LSAMP: variants seen among roughly 807,000 people sequenced by gnomAD.
LSAMP encodes limbic system associated membrane protein.
LSAMP carries 7 observed loss-of-function variants against 38.6 expected under a neutral mutation model. The ratio of observed to expected loss-of-function variants is 0.18; its 90% CI spans 0.10 to 0.34. The LOEUF is 0.34. LSAMP is among the 10% of genes least tolerant of loss of function. LSAMP has a pLI of 1.00. For missense variants in LSAMP, 313 were observed against 420.0 expected (o/e 0.75, Z 2.23); for synonymous variants, 154 against 166.8 (o/e 0.92, Z 0.59).
chr3:115,870,745 A>T (rs1024167068), intron 3 of LSAMP, among the ~76,000 whole-genome samples: 1 of 152,188 alleles, frequency 6.6e-6, no homozygotes, highest in Non-Finnish European at 1.5e-5. Flanking sequence ...GCTGGTATGA[A>T]CTGAACTATT....
intron 1 of LSAMP, among the ~76,000 whole-genome samples, chr3:116,319,808 T>TG (rs1264296938): frequency 6.6e-6 from 1 of 150,972 alleles, no homozygotes; most frequent in Non-Finnish European, 1.5e-5. Flanking sequence ...TTTTTTGTTT[T>TG]TTTTTTTAAT....
At chr3:116,436,401 GCAAA>G (rs1470070205) in intron 1 of LSAMP, among the ~76,000 whole-genome samples, 1 of 152,190 alleles carries the variant, frequency 6.6e-6, no homozygotes, top group East Asian at 1.9e-4. Context: ...AGTCAGCAGA[GCAAA>G]CAGACAACCC....
chr3:115,902,402 CA>C (rs1424033596), intron 3 of LSAMP, among the ~76,000 whole-genome samples: 1 of 152,012 alleles, frequency 6.6e-6, no homozygotes, highest in Non-Finnish European at 1.5e-5. Context: ...CCCTGTAAGA[CA>C]ACCTATGCAA....
intron 1 of LSAMP, among the ~76,000 whole-genome samples, chr3:116,142,491 A>T (rs1709392987): frequency 6.6e-6 from 1 of 152,014 alleles, no homozygotes; most frequent in Non-Finnish European, 1.5e-5. Flanking sequence ...CTCCAGCCAT[A>T]AGTCATTCCA....
At chr3:115,815,891 C>A (rs1934001382) in intron 6 of LSAMP, among the ~76,000 whole-genome samples, 1 of 152,114 alleles carries the variant, frequency 6.6e-6, no homozygotes, top group Non-Finnish European at 1.5e-5. Context: ...ACGGTGCTGG[C>A]CCTTTCTTGG....
intron 3 of LSAMP, among the ~76,000 whole-genome samples, chr3:115,947,361 T>C (rs1487197721): frequency 6.6e-6 from 1 of 152,172 alleles, no homozygotes; most frequent in African/African-American, 2.4e-5. Context: ...ACTCCCATGA[T>C]TTGCAGATGG....
intron 1 of LSAMP, among the ~76,000 whole-genome samples, chr3:116,109,549 C>T (rs1708550246): frequency 6.6e-6 from 1 of 152,188 alleles, no homozygotes; most frequent in African/African-American, 2.4e-5. Flanking sequence ...CACCTCAGAC[C>T]ATTTGCTCAT....
intron 1 of LSAMP, among the ~76,000 whole-genome samples, chr3:116,136,294 G>GTGC (rs1441516342): frequency 3.9e-5 from 6 of 152,136 alleles, no homozygotes; most frequent in African/African-American, 1.4e-4. Context: ...TTGTAAAAGA[G>GTGC]TGCAGCAGAG....
chr3:115,929,358 TAGA>T (rs1029052570), intron 3 of LSAMP, among the ~76,000 whole-genome samples: 10 of 152,158 alleles, frequency 6.6e-5, no homozygotes, highest in African/African-American at 2.4e-4. Flanking sequence ...TAGGCAAGGT[TAGA>T]AGGTCACATG....
intron 1 of LSAMP, among the ~76,000 whole-genome samples, chr3:116,157,490 C>T (rs1709780837): frequency 1.3e-5 from 2 of 152,002 alleles, no homozygotes; most frequent in Admixed American, 1.3e-4. Flanking sequence ...GTGGTAATTA[C>T]TCTCCTTATG....
intron 1 of LSAMP, among the ~76,000 whole-genome samples, chr3:116,193,843 A>C (rs1710812381): frequency 1.3e-5 from 2 of 152,238 alleles, no homozygotes; most frequent in Non-Finnish European, 2.9e-5. Context: ...CAGCTAAAAC[A>C]ACAAAATAAT....
At chr3:116,398,759 G>T (rs9289051) in intron 1 of LSAMP, among the ~76,000 whole-genome samples, 28,455 of 152,136 alleles carry the variant, frequency 0.19, 3,495 homozygotes, top group African/African-American at 0.35. Context: ...AGAATCTATA[G>T]GTACCAGCCT....
At chr3:116,233,600 C>A (rs1244259772) in intron 1 of LSAMP, among the ~76,000 whole-genome samples, 1 of 151,970 alleles carries the variant, frequency 6.6e-6, no homozygotes, top group East Asian at 1.9e-4. Context: ...CACCTATTAA[C>A]CAACCGCTCT....
At chr3:115,818,264 C>G (rs1450126740) in intron 6 of LSAMP, among the ~76,000 whole-genome samples, 2 of 152,158 alleles carry the variant, frequency 1.3e-5, no homozygotes, top group African/African-American at 4.8e-5. Context: ...TGCATCAAGC[C>G]TCTTAGCTTA....
intron 1 of LSAMP, among the ~76,000 whole-genome samples, chr3:116,373,298 C>T (rs568573237): frequency 6.6e-6 from 1 of 151,130 alleles, no homozygotes; most frequent in South Asian, 2.1e-4. Flanking sequence ...ACATATGGTA[C>T]AACATGGATG....
intron 1 of LSAMP, among the ~76,000 whole-genome samples, chr3:116,104,484 C>A (rs1708417674): frequency 6.6e-6 from 1 of 151,656 alleles, no homozygotes; most frequent in Non-Finnish European, 1.5e-5. Context: ...AGGCTTTGTT[C>A]ATCGGGGAGA....
At chr3:116,016,322 G>C (rs1176466755) in intron 3 of LSAMP, among the ~76,000 whole-genome samples, 1 of 152,308 alleles carries the variant, frequency 6.6e-6, no homozygotes, top group South Asian at 2.1e-4. Context: ...AGAAATGAAA[G>C]AGGAGGCATG....
chr3:115,818,790 T>TTTTATATATATATATATATATA (rs1553734999), intron 6 of LSAMP, among the ~76,000 whole-genome samples: 3 of 69,788 alleles, frequency 4.3e-5, no homozygotes, highest in Non-Finnish European at 6.0e-5. Context: ...AGTTGTACTT[T>TTTTATATATATATATATATATA]TATATATATA....
At chr3:116,064,438 C>G (rs1298965061) in intron 2 of LSAMP, among the ~76,000 whole-genome samples, 2 of 149,094 alleles carry the variant, frequency 1.3e-5, no homozygotes, top group African/African-American at 5.0e-5. Context: ...TCACTTGAAC[C>G]TGGGAAGCAG....
Sources: allele counts gnomAD v4.1 joint callset (sites outside exome capture counted in the v4.1 genomes callset), GRCh38; gene constraint gnomAD v4.1.1; transcripts MANE v1.5; gene names NCBI Gene and HGNC (gene_info 2026-07-23, HGNC 2026-07-21).